The following CNTNAP2 variants were observed in gnomAD, a reference collection of about 807,000 sequenced individuals.
CNTNAP2 encodes contactin associated protein 2.
In CNTNAP2, 98 loss-of-function variants were observed where a neutral mutation model predicts 155.2. The ratio of observed to expected loss-of-function variants is 0.63; its 90% confidence interval spans 0.54 to 0.75. The LOEUF (loss-of-function observed/expected upper bound fraction) is 0.75. CNTNAP2 is among the 30% of genes least tolerant of loss of function. CNTNAP2 has a pLI of 0.00. For synonymous variants in CNTNAP2, 651 were observed against 631.2 expected (o/e 1.03, Z -0.47); for missense variants, 1,727 against 1,688.1 (o/e 1.02, Z -0.40).
intron 15 of CNTNAP2, among the ~76,000 whole-genome samples, chr7:147,998,027 G>C (rs572103494): frequency 6.6e-6 from 1 of 151,776 alleles, no homozygotes; most frequent in Non-Finnish European, 1.5e-5. Context: ...ATTACCAAGC[G>C]AATGCTGGGG....
At chr7:147,558,043 C>T (rs1799984961) in intron 11 of CNTNAP2, among the ~76,000 whole-genome samples, 1 of 152,062 alleles carries the variant, frequency 6.6e-6, no homozygotes, top group Non-Finnish European at 1.5e-5. Flanking sequence ...TGTCAAAATT[C>T]TAGATACATA....
At chr7:146,217,777 G>C (rs1474182452) in intron 1 of CNTNAP2, among the ~76,000 whole-genome samples, 1 of 152,134 alleles carries the variant, frequency 6.6e-6, no homozygotes, top group East Asian at 1.9e-4. Flanking sequence ...GGTAATTGAA[G>C]CCTCCTATCT....
chr7:147,575,107 ATGTGTGTGTGTGTGTGTGTG>A (rs754922892), intron 12 of CNTNAP2, among the ~76,000 whole-genome samples: 1 of 94,066 alleles, frequency 1.1e-5, no homozygotes, highest in African/African-American at 3.9e-5. Flanking sequence ...TTTGTGGGAA[ATGTGTGTGTGTGTGTGTGTG>A]TGTGTGTGTG....
intron 8 of CNTNAP2, among the ~76,000 whole-genome samples, chr7:147,160,112 GGTT>G (rs1438819620): frequency 2.0e-5 from 3 of 151,888 alleles, no homozygotes; most frequent in African/African-American, 7.2e-5. Context: ...CTGACAAATT[GGTT>G]TGTCAATATC....
At chr7:148,140,157 C>G (rs945478273) in intron 16 of CNTNAP2, among the ~76,000 whole-genome samples, 1 of 152,160 alleles carries the variant, frequency 6.6e-6, no homozygotes, top group African/African-American at 2.4e-5. Flanking sequence ...CAGTCAACCT[C>G]TCTATATAGA....
At chr7:147,025,509 G>A (rs1798901364) in intron 3 of CNTNAP2, among the ~76,000 whole-genome samples, 1 of 89,288 alleles carries the variant, frequency 1.1e-5, no homozygotes. Flanking sequence ...AGGGGGACGG[G>A]GAGAAGAAAG....
chr7:146,358,020 A>T (rs28757643), intron 1 of CNTNAP2, among the ~76,000 whole-genome samples: 4,306 of 141,250 alleles, frequency 0.03, 189 homozygotes, highest in African/African-American at 0.12. Context: ...TTATTTATTT[A>T]ATTTTATTTA....
chr7:147,880,691 G>A (rs540871107), intron 13 of CNTNAP2, among the ~76,000 whole-genome samples: 1 of 152,256 alleles, frequency 6.6e-6, no homozygotes, highest in African/African-American at 2.4e-5. Flanking sequence ...TAGGTTAAGT[G>A]TAAAGACTGT....
At chr7:148,222,446 C>T (rs902255533) in intron 19 of CNTNAP2, among the ~76,000 whole-genome samples, 1 of 152,018 alleles carries the variant, frequency 6.6e-6, no homozygotes, top group African/African-American at 2.4e-5. Flanking sequence ...ATAGACAGTC[C>T]CACTCCCATG....
intron 1 of CNTNAP2, among the ~76,000 whole-genome samples, chr7:146,664,644 A>G (rs2642510): frequency 0.093 from 14,168 of 152,176 alleles, 2,038 homozygotes; most frequent in African/African-American, 0.31. Flanking sequence ...TTTTCTATGT[A>G]CTAATGGTGG....
chr7:147,022,703 G>C (rs1336149754), intron 3 of CNTNAP2, among the ~76,000 whole-genome samples: 1 of 150,216 alleles, frequency 6.7e-6, no homozygotes, highest in African/African-American at 2.5e-5. Context: ...CAATAAACTT[G>C]TTTATTGTTC....
intron 13 of CNTNAP2, among the ~76,000 whole-genome samples, chr7:147,770,921 G>A (rs1299235971): frequency 3.9e-5 from 6 of 152,134 alleles, no homozygotes; most frequent in Non-Finnish European, 8.8e-5. Context: ...GAAGAACATG[G>A]AAGAAATCTT....
chr7:147,137,891 A>G (rs1463146313), intron 8 of CNTNAP2, among the ~76,000 whole-genome samples: 3 of 127,436 alleles, frequency 2.4e-5, no homozygotes, highest in African/African-American at 7.8e-5. Flanking sequence ...ATAGATAGAT[A>G]GATAGATAGA....
At chr7:147,236,530 TACTC>T (rs893189954) in intron 8 of CNTNAP2, among the ~76,000 whole-genome samples, 2 of 152,074 alleles carry the variant, frequency 1.3e-5, no homozygotes, top group African/African-American at 4.8e-5. Flanking sequence ...TTATTGTTTG[TACTC>T]ACTCTCACTT....
At chr7:147,912,043 CTGAATG>C (rs1800076278) in intron 14 of CNTNAP2, among the ~76,000 whole-genome samples, 1 of 152,122 alleles carries the variant, frequency 6.6e-6, no homozygotes, top group Non-Finnish European at 1.5e-5. Context: ...AAATTATTTT[CTGAATG>C]TGACCTGATT....
chr7:146,384,945 T>A (rs1287745623), intron 1 of CNTNAP2, among the ~76,000 whole-genome samples: 3 of 152,206 alleles, frequency 2.0e-5, no homozygotes, highest in Admixed American at 2.0e-4. Context: ...TTCACTATTT[T>A]ATCATCAGTG....
intron 4 of CNTNAP2, among the ~76,000 whole-genome samples, chr7:147,067,075 G>A (rs1041734394): frequency 5.9e-5 from 9 of 152,056 alleles, no homozygotes; most frequent in Admixed American, 2.0e-4. Flanking sequence ...GGTGGATCAC[G>A]AGGTCAAGAG....
chr7:146,892,163 G>A (rs1352707297), intron 3 of CNTNAP2, among the ~76,000 whole-genome samples: 1 of 152,118 alleles, frequency 6.6e-6, no homozygotes, highest in East Asian at 1.9e-4. Flanking sequence ...CTTCCAAGAC[G>A]GCCCACTCAA....
chr7:146,400,529 G>GGAAAGTT (rs1795699647), intron 1 of CNTNAP2, among the ~76,000 whole-genome samples: 1 of 152,208 alleles, frequency 6.6e-6, no homozygotes, highest in Non-Finnish European at 1.5e-5. Flanking sequence ...AAGTTAGTGA[G>GGAAAGTT]AGAAGGAACA....
Sources: allele counts gnomAD v4.1 joint callset (sites outside exome capture counted in the v4.1 genomes callset), GRCh38; gene constraint gnomAD v4.1.1; transcripts MANE v1.5; gene names NCBI Gene and HGNC (gene_info 2026-07-23, HGNC 2026-07-21).